The following IL1RAP variants were observed in gnomAD, a reference collection of about 807,000 sequenced individuals.
IL1RAP encodes interleukin-1 receptor accessory protein.
Under a neutral mutation model 60.7 loss-of-function variants are expected in IL1RAP, and 35 were observed. That is an observed-to-expected ratio of 0.58 (90% CI 0.44 to 0.76). The LOEUF is 0.76. Ranked by LOEUF, IL1RAP falls within the 30% of genes least tolerant of loss-of-function variation. The pLI, the probability that IL1RAP is intolerant of heterozygous loss-of-function variation, is 0.00. For missense variants in IL1RAP, 572 were observed against 693.9 expected (o/e 0.82, Z 1.97); for synonymous variants, 268 against 250.9 (o/e 1.07, Z -0.64).
chr3:190,580,789 A>G (rs966873599), intron 3 of IL1RAP, among the ~76,000 whole-genome samples: 6 of 152,204 alleles, frequency 3.9e-5, no homozygotes, highest in African/African-American at 1.4e-4. Context: ...ATTAAATGTT[A>G]CATAAAGTGT....
At chr3:190,601,229 C>T (rs1267225179) in intron 3 of IL1RAP, among the ~76,000 whole-genome samples, 2 of 152,286 alleles carry the variant, frequency 1.3e-5, no homozygotes, top group East Asian at 1.9e-4. Flanking sequence ...AGGTGATCCG[C>T]CCCCTCGGCC....
intron 6 of IL1RAP, among the ~76,000 whole-genome samples, chr3:190,622,735 T>A (rs1276859093): frequency 6.6e-6 from 1 of 152,206 alleles, no homozygotes; most frequent in Non-Finnish European, 1.5e-5. Context: ...CTCCACCCTC[T>A]CAGCTTGTGG....
downstream of IL1RAP, among the ~76,000 whole-genome samples, chr3:190,654,232 T>C (rs1403195098): frequency 1.5e-4 from 7 of 46,036 alleles, no homozygotes; most frequent in Admixed American, 1.3e-3. Flanking sequence ...ACACACACAA[T>C]TTGCATGAGT....
chr3:190,634,047 A>C (rs976721851), intron 9 of IL1RAP, among the ~76,000 whole-genome samples: 3 of 151,954 alleles, frequency 2.0e-5, no homozygotes, highest in Admixed American at 1.3e-4. Context: ...GTTTGCCGAG[A>C]ATTTTTTTGT....
chr3:190,657,096 A>G (rs1417915286), exon 12 of IL1RAP: 1 of 152,646 alleles, frequency 6.6e-6, no homozygotes, highest in Non-Finnish European at 1.5e-5. Flanking sequence ...AGAACCAAAC[A>G]TACCCACCCA....
chr3:190,522,289 G>GCTTGCTTCCTTCCTTC (rs1481738684), intron 1 of IL1RAP, among the ~76,000 whole-genome samples: 118 of 135,454 alleles, frequency 8.7e-4, no homozygotes, highest in Non-Finnish European at 1.3e-3. Context: ...GCCTTCCTTT[G>GCTTGCTTCCTTCCTTC]CTTCCTTCCT....
intron 3 of IL1RAP, among the ~76,000 whole-genome samples, chr3:190,583,565 A>G (rs993138335): frequency 6.6e-6 from 1 of 152,234 alleles, no homozygotes; most frequent in African/African-American, 2.4e-5. Flanking sequence ...CTTTGAGCTC[A>G]CAATCTAGCA....
chr3:190,559,388 G>T (rs545312316), intron 2 of IL1RAP, among the ~76,000 whole-genome samples: 1 of 151,698 alleles, frequency 6.6e-6, no homozygotes, highest in Non-Finnish European at 1.5e-5. Flanking sequence ...GAAATTATTT[G>T]ATTTCTACTC....
intron 3 of IL1RAP, among the ~76,000 whole-genome samples, chr3:190,572,859 G>GTT (rs1200775636): frequency 0.047 from 1,818 of 38,950 alleles, 528 homozygotes; most frequent in South Asian, 0.18. Context: ...TTAATGCTTT[G>GTT]TTTTTTTTTT....
At chr3:190,561,092 T>C (rs1350308973) in intron 2 of IL1RAP, among the ~76,000 whole-genome samples, 1 of 152,172 alleles carries the variant, frequency 6.6e-6, no homozygotes, top group Non-Finnish European at 1.5e-5. Context: ...TGCAATAATC[T>C]AAAGCTAAGC....
At chr3:190,550,463 GA>G (rs1724769311) in intron 1 of IL1RAP, 1 of 152,294 alleles carries the variant, frequency 6.6e-6, no homozygotes. Flanking sequence ...CGTCCTCCAA[GA>G]AGGGAGAGAA....
intron 9 of IL1RAP, among the ~76,000 whole-genome samples, chr3:190,639,773 G>C (rs1340091595): frequency 6.6e-6 from 1 of 152,132 alleles, no homozygotes. Flanking sequence ...ATAACTGCTT[G>C]CTTTTAAAAA....
chr3:190,535,570 C>G (rs1217255076), intron 1 of IL1RAP, among the ~76,000 whole-genome samples: 2 of 152,178 alleles, frequency 1.3e-5, no homozygotes, highest in African/African-American at 4.8e-5. Flanking sequence ...CTCAGCTCCC[C>G]ACCAGGGCCA....
chr3:190,604,136 G>A lies in IL1RAP; in HGVS notation c.73G>A (p.Asp25Asn), dbSNP rs376392541. 3.1e-6 allele frequency: 5 copies of A among 1,613,460 alleles called. No homozygotes were observed. Among genetic ancestry groups the A allele is most frequent in the African/African-American group, 1.3e-5 (1 of 74,822 alleles). ...TTTTTTGATTATTCCAGAACGCTGC[G>A]ATGACTGGGGACTAGACACCATGAG... The part of the protein sequence containing the change: ...ILQSDASERC[D>N]DWGLDTMRQI... Residue 25 changes from aspartate (D) to asparagine (N), a missense_variant, in exon 4 of 12, where the codon GAT becomes AAT. Transcript: ENST00000447382.
chr3:190,520,790 G>A (rs1165213176), intron 1 of IL1RAP, among the ~76,000 whole-genome samples: 1 of 152,064 alleles, frequency 6.6e-6, no homozygotes, highest in African/African-American at 2.4e-5. Context: ...ATGATTACAC[G>A]GCTTCCTCCT....
At chr3:190,586,768 A>T (rs917358489) in intron 3 of IL1RAP, among the ~76,000 whole-genome samples, 1 of 151,826 alleles carries the variant, frequency 6.6e-6, no homozygotes, top group Non-Finnish European at 1.5e-5. Flanking sequence ...TCTGCTTTTT[A>T]AAAGTGGGTG....
At chr3:190,527,871 G>A (rs1215136898) in intron 1 of IL1RAP, among the ~76,000 whole-genome samples, 1 of 138,012 alleles carries the variant, frequency 7.2e-6, no homozygotes, top group Non-Finnish European at 1.5e-5. Flanking sequence ...ACACACACAC[G>A]AGAATGGTGC....
At chr3:190,646,085 G>A (rs1157407251) in intron 11 of IL1RAP, among the ~76,000 whole-genome samples, 1 of 152,156 alleles carries the variant, frequency 6.6e-6, no homozygotes, top group African/African-American at 2.4e-5. Flanking sequence ...AAAGCATGGA[G>A]GCACAGTGGA....
chr3:190,648,599 G>C lies in IL1RAP; in HGVS notation c.1607G>C (p.Gly536Ala), dbSNP rs145613403. ...GGGGAAAAATCCAAGTATCCACAGGGCAGGTTCTGGAAGCAGCTGCAGGTG... is the reference window on the plus strand; with the variant it reads ...GGGGAAAAATCCAAGTATCCACAGGCCAGGTTCTGGAAGCAGCTGCAGGTG... ...WKGEKSKYPQGRFWKQLQVAM... is the reference protein window; with the variant it reads ...WKGEKSKYPQARFWKQLQVAM... Residue 536 changes from glycine to alanine, a missense_variant, in exon 12 of 12, where the codon GGC (glycine) becomes GCC (alanine). Transcript: ENST00000447382. 1.7e-4 allele frequency: 269 copies of C among 1,614,070 alleles called. 1 individual carries two copies. The highest frequency in any genetic ancestry group is 2.2e-4 in the Non-Finnish European group (256 of 1,180,020).
Sources: allele counts gnomAD v4.1 joint callset (sites outside exome capture counted in the v4.1 genomes callset), GRCh38; gene constraint gnomAD v4.1.1; transcripts MANE v1.5; gene names NCBI Gene and HGNC (gene_info 2026-07-23, HGNC 2026-07-21).